The following VPS36 variants were observed in gnomAD, a reference collection of about 807,000 sequenced individuals.
The protein encoded by VPS36 is vacuolar protein-sorting-associated protein 36.
Under a neutral mutation model 63.5 loss-of-function variants are expected in VPS36, and 31 were observed. The observed-to-expected ratio is 0.49, with a 90% confidence interval of 0.37 to 0.66. VPS36 has a LOEUF of 0.66. VPS36 is among the 30% of genes least tolerant of loss of function. The probability of loss-of-function intolerance (pLI) is 0.00; values close to 1 mark genes in which losing one functional copy is unlikely to be tolerated. For synonymous variants in VPS36, 138 were observed against 157.2 expected (o/e 0.88, Z 0.91); for missense variants, 338 against 463.7 (o/e 0.73, Z 2.49).
intron 6 of VPS36, among the ~76,000 whole-genome samples, chr13:52,431,762 C>CAAAA (rs60968712): frequency 8.0e-4 from 54 of 67,428 alleles, no homozygotes; most frequent in East Asian, 1.8e-3. Context: ...GACTCTGTCT[C>CAAAA]AAAAAAAAAA....
chr13:52,450,617 C>T lies in VPS36; in HGVS notation c.-23G>A, dbSNP rs375754016. 6 of 1,549,512 alleles carry T rather than the reference C, an allele frequency of 3.9e-6. No homozygotes were observed. In the Admixed American group the frequency reaches 9.4e-5, roughly 24 times the overall value. ...CATGGCCGCTGCCACCCAGCCCCGG[C>T]CCTCCGAGGCCGCGAGCAGCGCGCC... On this transcript the variant is annotated 5_prime_UTR_variant, in exon 1 of 14. Transcript: ENST00000378060.
chr13:52,420,190 C>T (rs559295868), intron 10 of VPS36, among the ~76,000 whole-genome samples: 29 of 148,582 alleles, frequency 2.0e-4, no homozygotes, highest in Non-Finnish European at 3.7e-4. Flanking sequence ...TGCAGTGAGC[C>T]GAGGTTGTGC....
chr13:52,432,781 T>C (rs1036349878), intron 6 of VPS36, among the ~76,000 whole-genome samples: 1 of 152,142 alleles, frequency 6.6e-6, no homozygotes, highest in Admixed American at 6.6e-5. Context: ...CAGATACATA[T>C]CCAGAAAAAC....
intron 1 of VPS36, chr13:52,450,090 G>A (rs1174730285): frequency 2.0e-6 from 2 of 989,362 alleles, no homozygotes; most frequent in Non-Finnish European, 2.4e-6. Context: ...GTCCGGTGCC[G>A]ACGCCGAGGT....
At chr13:52,450,278 G>A (rs1689993300) in intron 1 of VPS36, 1 of 1,146,410 alleles carries the variant, frequency 8.7e-7, no homozygotes, top group Admixed American at 4.8e-5. Flanking sequence ...GCCAAAGTTG[G>A]GACCCGCGCT....
chr13:52,429,111 T>C, intron 6 of VPS36: 1 of 214,698 alleles, frequency 4.7e-6, no homozygotes, highest in Non-Finnish European at 8.0e-6. Context: ...TGCCAGTTTA[T>C]GGAACCTTGT....
chr13:52,432,292 A>C (rs1958167223), intron 6 of VPS36, among the ~76,000 whole-genome samples: 1 of 152,120 alleles, frequency 6.6e-6, no homozygotes, highest in Non-Finnish European at 1.5e-5. Context: ...CAGAGCTTGC[A>C]GTGAGCCAGG....
intron 1 of VPS36, among the ~76,000 whole-genome samples, chr13:52,444,489 A>T (rs1003076732): frequency 5.1e-4 from 76 of 147,900 alleles, no homozygotes; most frequent in African/African-American, 1.8e-3. Context: ...TTTTTATATA[A>T]ATACATATAC....
At chr13:52,427,556 G>C (rs1958115184) in intron 6 of VPS36, among the ~76,000 whole-genome samples, 1 of 151,500 alleles carries the variant, frequency 6.6e-6, no homozygotes, top group African/African-American at 2.4e-5. Flanking sequence ...GCGGTGAGCC[G>C]AGATCGCGCC....
intron 4 of VPS36, 183 bp downstream of exon 4, chr13:52,436,107 A>G (rs890104482): frequency 6.8e-6 from 3 of 443,638 alleles, no homozygotes; most frequent in Admixed American, 7.3e-5. Context: ...CCTAAACTTC[A>G]TATTCTCCAC....
chr13:52,432,155 T>A (rs566422816), intron 6 of VPS36, among the ~76,000 whole-genome samples: 2 of 152,020 alleles, frequency 1.3e-5, no homozygotes, highest in Non-Finnish European at 2.9e-5. Flanking sequence ...ATTAAGACCA[T>A]CCTGTCTAAC....
chr13:52,416,536 G>A (rs1162070392), intron 12 of VPS36, among the ~76,000 whole-genome samples: 2 of 152,188 alleles, frequency 1.3e-5, no homozygotes, highest in South Asian at 2.1e-4. Flanking sequence ...ATAAATATAA[G>A]TTATTCAAAT....
At chr13:52,449,814 TCTA>T (rs1186235020) in intron 1 of VPS36, 17 of 565,370 alleles carry the variant, frequency 3.0e-5, no homozygotes, top group Admixed American at 6.4e-5. Context: ...CAAGGCACGG[TCTA>T]CTATTAATAT....
chr13:52,424,944 C>T (rs867886439), intron 9 of VPS36, among the ~76,000 whole-genome samples: 8 of 150,972 alleles, frequency 5.3e-5, no homozygotes, highest in Non-Finnish European at 8.8e-5. Flanking sequence ...GCTGAGATTG[C>T]GCCACTGCAC....
chr13:52,425,196 T>G (rs1958088570), intron 9 of VPS36, among the ~76,000 whole-genome samples: 1 of 140,406 alleles, frequency 7.1e-6, no homozygotes, highest in Non-Finnish European at 1.5e-5. Flanking sequence ...GAGCTTGCAG[T>G]GAGCTGAGAT....
At chr13:52,439,982 A>ATT (rs1175787551) in intron 2 of VPS36, among the ~76,000 whole-genome samples, 5 of 145,146 alleles carry the variant, frequency 3.4e-5, no homozygotes, top group African/African-American at 7.6e-5. Context: ...CATATGTTTA[A>ATT]TTTTTTTTTT....
At chr13:52,437,662 G>A (rs1191742186) in intron 3 of VPS36, among the ~76,000 whole-genome samples, 5 of 152,144 alleles carry the variant, frequency 3.3e-5, no homozygotes, top group Admixed American at 2.6e-4. Context: ...CGGGCGCGGT[G>A]GCTCATGCCT....
intron 6 of VPS36, among the ~76,000 whole-genome samples, chr13:52,430,111 A>G (rs1958140394): frequency 6.6e-6 from 1 of 152,194 alleles, no homozygotes; most frequent in East Asian, 1.9e-4. Flanking sequence ...GGAAAGAATT[A>G]AAAATAAAAG....
chr13:52,440,673 T>C (rs894612176), intron 2 of VPS36, among the ~76,000 whole-genome samples: 1 of 152,220 alleles, frequency 6.6e-6, no homozygotes, highest in African/African-American at 2.4e-5. Flanking sequence ...TTGTCCAAAT[T>C]GACCTCTTTA....
Sources: gnomAD v4.1 joint callset for allele counts (sites outside exome capture counted in the v4.1 genomes callset) on GRCh38, gnomAD v4.1.1 for gene constraint, MANE v1.5 for transcripts, NCBI Gene and HGNC (gene_info 2026-07-23, HGNC 2026-07-21) for gene names.